Variants in NAIP observed in about 807,000 individuals in gnomAD.
NAIP encodes the protein NLR family apoptosis inhibitory protein, also known as baculoviral IAP repeat-containing protein 1.
A neutral mutation model predicts 23.0 loss-of-function variants in NAIP; 15 were observed. The observed-to-expected ratio is 0.65, with a 90% CI of 0.44 to 1.00. The LOEUF is 1.00. Ranked by LOEUF, NAIP falls within the 50% of genes least tolerant of loss-of-function variation. The pLI, the probability that NAIP is intolerant of heterozygous loss-of-function variation, is 0.00. For missense variants in NAIP, 265 were observed against 278.8 expected (o/e 0.95, Z 0.35); for synonymous variants, 100 against 100.2 (o/e 1.00, Z 0.01).
intron 3 of NAIP, among the ~76,000 whole-genome samples, chr5:71,013,842 C>CT (rs1751294219): frequency 6.6e-6 from 1 of 151,182 alleles, no homozygotes; most frequent in African/African-American, 2.4e-5. Flanking sequence ...CACTGAGGTG[C>CT]TATGGCCCCA....
intron 5 of NAIP, among the ~76,000 whole-genome samples, chr5:71,010,292 G>C (rs753651905): frequency 6.7e-6 from 1 of 150,306 alleles, no homozygotes; most frequent in East Asian, 1.9e-4. Context: ...TTTTTGAGAC[G>C]GAGTCTCACT....
At position 71,012,767 on chromosome 5, in the gene NAIP, T is replaced by C. The variant is rs1377848830; in HGVS notation, c.149A>G (p.Gln50Arg). ...GCGCATTTGAGAGTTGTAGCCTTTC[T>C]GCATTTTTGCTCGCTCCTTCTGCTC... is the stretch of plus-strand genomic sequence containing the variant. ...EEEQKERAKM[Q>R]KGYNSQMRSE... is the part of the protein sequence containing the mutation. Residue 50 changes from glutamine to arginine, a missense_variant, in exon 4 of 17, where the codon CAG becomes CGG. Gln to Arg is a conservative substitution (Grantham distance 43). Coordinates refer to ENST00000517649, the MANE Select transcript of NAIP (RefSeq NM_004536.3). 3.7e-6 allele frequency: 6 copies of C among 1,612,002 alleles called. 1 individual carries two copies. The highest frequency in any genetic ancestry group is 5.1e-6 in the Non-Finnish European group (6 of 1,178,538).
In NAIP at chr5:71,012,691, T is replaced by C. The variant is rs1279134164; in HGVS notation, c.225A>G (p.Ser75=). 1 of 1,611,880 alleles carries C rather than the reference T, an allele frequency of 6.2e-7. No individual in the cohort carries two copies. Among genetic ancestry groups the C allele is most frequent in the South Asian group, 1.1e-5 (1 of 90,950 alleles). ...CGGCCGCCATCTCCTGTGGTATCCA[T>C]GAGCTGTACGGCTCATAAGTCACAA... ...KTFVTYEPYS[S]WIPQEMAAAG... is the part of the protein sequence containing the mutation. The change falls in exon 4 of 17, where the codon TCA becomes TCG. Residue 75 remains serine (S), a synonymous_variant. Coordinates refer to ENST00000517649, the MANE Select transcript of NAIP (RefSeq NM_004536.3).
In NAIP at chr5:71,010,307, C is replaced by T. The variant is rs537784980; in HGVS notation, c.668+968G>A. On this transcript the variant is annotated intron_variant, in intron 5 of 16. Transcript: ENST00000517649. Reference sequence around the variant, plus strand: ...TTTTTGAGACGGAGTCTCACTCTGTCGCCCAGGCCGGAGTGCAGTGGCGCT... The same window carrying T: ...TTTTTGAGACGGAGTCTCACTCTGTTGCCCAGGCCGGAGTGCAGTGGCGCT... Among the ~76,000 whole-genome samples, 40 of 151,272 alleles carry T rather than the reference C, an allele frequency of 2.6e-4. 1 individual carries two copies. Among genetic ancestry groups the T allele is most frequent in the Admixed American group, 9.2e-4 (14 of 15,168 alleles).
chr5:71,009,075 C>T (rs1438822825), intron 5 of NAIP, among the ~76,000 whole-genome samples: 1 of 149,258 alleles, frequency 6.7e-6, no homozygotes, highest in Admixed American at 6.7e-5. Flanking sequence ...TGGCTCATGC[C>T]TGTAATCCCA....
At chr5:71,013,920 G>A (rs1561518946) in intron 3 of NAIP, among the ~76,000 whole-genome samples, 1 of 151,410 alleles carries the variant, frequency 6.6e-6, no homozygotes. Flanking sequence ...ATGTAAATTA[G>A]CTCCCCATTC....
chr5:71,011,903 G>T, intron 4 of NAIP: 1 of 261,372 alleles, frequency 3.8e-6, no homozygotes, highest in Non-Finnish European at 7.6e-6. Flanking sequence ...TTAGAACTCT[G>T]ATTTATATAT....
Position 71,012,927 on chromosome 5 carries a change from G to A in NAIP, c.-3-9C>T. 3.2e-6 allele frequency: 5 copies of A among 1,565,064 alleles called. No individual in the cohort carries two copies. Among genetic ancestry groups the A allele is most frequent in the Non-Finnish European group, 4.3e-6 (5 of 1,157,806 alleles). On this transcript the variant is annotated splice_polypyrimidine_tract_variant and intron_variant, in intron 3 of 16. Coordinates refer to ENST00000517649, the MANE Select transcript of NAIP (RefSeq NM_004536.3). ...TGCTGGGTGGCCATTTTCTGAAAAG[G>A]AAAATAAAGCAGGTTGATCCCTTAT... is the stretch of plus-strand genomic sequence containing the variant.
intron 3 of NAIP, among the ~76,000 whole-genome samples, chr5:71,014,827 T>C (rs947718498): frequency 6.6e-6 from 1 of 151,400 alleles, no homozygotes; most frequent in Admixed American, 6.6e-5. Flanking sequence ...CAGTTGAACC[T>C]GGGAGGCAGA....
chr5:71,008,301 A>C (rs1160407932), intron 5 of NAIP, among the ~76,000 whole-genome samples: 1 of 125,262 alleles, frequency 8.0e-6, no homozygotes, highest in African/African-American at 3.0e-5. Context: ...AACTACTGAC[A>C]TCAAATGATC....
At chr5:71,002,492 T>C (rs1241816143) in intron 6 of NAIP, among the ~76,000 whole-genome samples, 3 of 149,708 alleles carry the variant, frequency 2.0e-5, no homozygotes, top group Non-Finnish European at 3.0e-5. Flanking sequence ...CACTACAAGC[T>C]CCGCCTCCCA....
chr5:71,002,575 AT>A (rs762774660), intron 6 of NAIP, among the ~76,000 whole-genome samples: 132 of 113,994 alleles, frequency 1.2e-3, no homozygotes, highest in Middle Eastern at 0.011. Flanking sequence ...TGCCGGGCTA[AT>A]TTTTTTTTTT....
rs1202774687 is a variant in NAIP at position 70,979,560 on chromosome 5, G to A, written c.3442+309C>T. 9.5e-4 allele frequency among the ~76,000 whole-genome samples: 24 copies of A among 25,180 alleles called. 11 individuals are homozygous for A. The African/African-American group carries it at 0.01, about 11-fold the overall frequency. The allele number at this position is 25,180 out of a possible 152,430, so 16.5% of individuals were successfully genotyped here. On this transcript the variant is annotated intron_variant, in intron 13 of 16. Coordinates refer to ENST00000517649, the MANE Select transcript of NAIP (RefSeq NM_004536.3). ...ACTGCACTCCAGCCTGGGCGACAGCGGGAGACTGTCTCAAAAAAAAAAAAA... is the reference window on the plus strand; with the variant it reads ...ACTGCACTCCAGCCTGGGCGACAGCAGGAGACTGTCTCAAAAAAAAAAAAA...
intron 13 of NAIP, among the ~76,000 whole-genome samples, chr5:70,977,451 C>T (rs1418261943): frequency 7.2e-6 from 1 of 139,640 alleles, no homozygotes; most frequent in Non-Finnish European, 1.5e-5. Context: ...ATCATCTGAG[C>T]TCAGGAGCTC....
rs548725515 is a variant in NAIP at position 71,013,045 on chromosome 5, G to T, written c.-3-127C>A. The T allele has an allele frequency of 1.4e-5, 13 of 915,610 alleles. No homozygotes were observed. In the African/African-American group the frequency reaches 2.2e-4, roughly 15 times the overall value. 56.7% of individuals were successfully genotyped at this position (915,610 alleles called of 1,614,324 possible). On this transcript the variant is annotated intron_variant, in intron 3 of 16. Transcript: ENST00000517649. ...GGAATTTCAACACAAAAGATAAATT[G>T]TTGGAAAATTATGAAACATCAGTAT...
intron 5 of NAIP, among the ~76,000 whole-genome samples, chr5:71,008,184 C>A (rs1750961619): frequency 6.7e-6 from 1 of 149,628 alleles, no homozygotes; most frequent in South Asian, 2.1e-4. Context: ...ATTCTCCTGC[C>A]TCAGCCTCCC....
intron 13 of NAIP, among the ~76,000 whole-genome samples, chr5:70,978,078 T>C: frequency 1.1e-5 from 1 of 87,350 alleles, no homozygotes; most frequent in Non-Finnish European, 2.5e-5. Context: ...CAAATATAAC[T>C]ACCACCTCCA....
At position 71,012,367 on chromosome 5, in the gene NAIP, C is replaced by A; in HGVS notation, c.549G>T (p.Glu183Asp). The A allele has an allele frequency of 6.2e-7, 1 of 1,608,200 alleles. No homozygotes were observed. The highest frequency in any genetic ancestry group is 1.1e-5 in the South Asian group (1 of 90,508). The change falls in exon 4 of 17, where the codon GAG becomes GAT. Residue 183 changes from glutamate (E) to aspartate (D), a missense_variant. Coordinates refer to ENST00000517649, the MANE Select transcript of NAIP (RefSeq NM_004536.3). Reference sequence around the variant, plus strand: ...AGGTACCTGTAAAGACAAAGCCAGCCTCTGAGAGCACACAAGGGGATATCC... The same window carrying A: ...AGGTACCTGTAAAGACAAAGCCAGCATCTGAGAGCACACAAGGGGATATCC... ...VQGISPCVLSEAGFVFTGKQD... is the reference protein window; with the variant it reads ...VQGISPCVLSDAGFVFTGKQD...
At chr5:71,011,125 C>A in intron 5 of NAIP, 150 bp downstream of exon 5, 2 of 614,642 alleles carry the variant, frequency 3.3e-6, no homozygotes, top group South Asian at 2.2e-5. Flanking sequence ...CCCAGCTACT[C>A]AGAAGGCTGA....
Sources: gnomAD v4.1 joint callset for allele counts (sites outside exome capture counted in the v4.1 genomes callset) on GRCh38, gnomAD v4.1.1 for gene constraint, MANE v1.5 for transcripts, NCBI Gene and HGNC (gene_info 2026-07-23, HGNC 2026-07-21) for gene names.